Variants in DAGLA observed in about 807,000 individuals in gnomAD.
DAGLA encodes the protein diacylglycerol lipase alpha.
A neutral mutation model predicts 102.6 loss-of-function variants in DAGLA; 22 were observed. The observed-to-expected ratio is 0.21, with a 90% CI of 0.15 to 0.31. The LOEUF (loss-of-function observed/expected upper bound fraction) is 0.31. Ranked by LOEUF, DAGLA falls within the 10% of genes least tolerant of loss-of-function variation. The pLI, the probability that DAGLA is intolerant of heterozygous loss-of-function variation, is 1.00. For missense variants in DAGLA, 927 were observed against 1,446.6 expected (o/e 0.64, Z 5.83); for synonymous variants, 578 against 628.9 (o/e 0.92, Z 1.21).
intron 5 of DAGLA, among the ~76,000 whole-genome samples, chr11:61,723,967 A>G (rs564925337): frequency 6.6e-5 from 10 of 152,320 alleles, no homozygotes; most frequent in African/African-American, 1.9e-4. Flanking sequence ...CAACTTCCCC[A>G]TAATATGGGT....
chr11:61,743,362 C>CAAAAA (rs374336921), intron 19 of DAGLA, among the ~76,000 whole-genome samples, 170 bp from the exon 20 acceptor site: 2 of 51,956 alleles, frequency 3.8e-5, no homozygotes, highest in African/African-American at 1.3e-4. Context: ...GACTCTGTCT[C>CAAAAA]AAAAAAAAAA....
chr11:61,690,910 C>G (rs987265250), intron 1 of DAGLA, among the ~76,000 whole-genome samples: 7 of 152,236 alleles, frequency 4.6e-5, no homozygotes, highest in Non-Finnish European at 7.3e-5. Context: ...CCTTGTTACT[C>G]CCACTGTTGT....
intron 17 of DAGLA, 79 bp from the exon 18 acceptor site, chr11:61,740,384 A>G: frequency 6.4e-7 from 1 of 1,552,016 alleles, no homozygotes; most frequent in Non-Finnish European, 8.7e-7. Context: ...CAGGGCAGAG[A>G]ACAGAGCCAG....
In DAGLA at chr11:61,746,856, T is replaced by C. The variant is rs1288303104; in HGVS notation, c.*2367T>C. On this transcript the variant is annotated 3_prime_UTR_variant, in exon 20 of 20. Transcript: ENST00000257215. ...TCTTACGTGCCATTCTCCCCAGACT[T>C]TTTTTGTACTTAATGTATGAAAGAT... 6.6e-6 allele frequency: 1 copy of C among 152,616 alleles called. No individual in the cohort carries two copies. Among genetic ancestry groups the C allele is most frequent in the African/African-American group, 2.4e-5 (1 of 41,452 alleles). 9.5% of individuals were successfully genotyped at this position (152,616 alleles called of 1,614,324 possible). A position where few individuals can be genotyped will look rare whatever the true frequency, so the allele number is the denominator to read the frequency against.
Position 61,743,792 on chromosome 11 carries a change from C to T in DAGLA, c.2432C>T (p.Ala811Val). The change falls in exon 20 of 20, where the codon GCT (alanine) becomes GTT (valine). Residue 811 changes from alanine (A) to valine (V), a missense_variant. Transcript: ENST00000257215. ...RSIRGSPSLH[A>V]VLERDEGHLF... ...ATCCGGGGCTCCCCCAGCCTCCACG[C>T]TGTGCTGGAGCGTGATGAAGGCCAC... 6.2e-7 allele frequency: 1 copy of T among 1,612,558 alleles called. No individual in the cohort carries two copies. Among genetic ancestry groups the T allele is most frequent in the Non-Finnish European group, 8.5e-7 (1 of 1,179,932 alleles).
At chr11:61,697,045 G>T (rs1294636240) in intron 1 of DAGLA, among the ~76,000 whole-genome samples, 1 of 152,266 alleles carries the variant, frequency 6.6e-6, no homozygotes, top group South Asian at 2.1e-4. Flanking sequence ...AGGGCTGAGG[G>T]CACAGGGCGA....
At chr11:61,688,091 C>T (rs1366169701) in intron 1 of DAGLA, among the ~76,000 whole-genome samples, 2 of 151,878 alleles carry the variant, frequency 1.3e-5, no homozygotes, top group African/African-American at 4.8e-5. Flanking sequence ...CCGAGGCGGG[C>T]GGGTCACGAG....
At chr11:61,740,889 G>A (rs2065472489) in intron 18 of DAGLA, among the ~76,000 whole-genome samples, 1 of 152,184 alleles carries the variant, frequency 6.6e-6, no homozygotes, top group Non-Finnish European at 1.5e-5. Flanking sequence ...ACAGATGAAT[G>A]GGCAAGCAGC....
chr11:61,708,783 C>T (rs1410817366), intron 1 of DAGLA, among the ~76,000 whole-genome samples: 5 of 152,156 alleles, frequency 3.3e-5, no homozygotes, highest in Admixed American at 2.0e-4. Context: ...GAGAGGGCTG[C>T]GTTGTATATT....
At chr11:61,728,880 G>A (rs749900875) in intron 7 of DAGLA, 51 bp from the exon 8 acceptor site, 203 of 1,551,158 alleles carry the variant, frequency 1.3e-4, no homozygotes, top group Non-Finnish European at 1.8e-4. Flanking sequence ...TCCCAGCCAT[G>A]CAGCCGGGCC....
In DAGLA at chr11:61,734,447, C is replaced by G. The variant is rs34290859; in HGVS notation, c.975-402C>G. Among the ~76,000 whole-genome samples the G allele has an allele frequency of 0.21, 32,275 of 151,818 alleles. 3,551 individuals are homozygous for G. The highest frequency in any genetic ancestry group is 0.31 in the South Asian group (1,508 of 4,810). Reference sequence around the variant, plus strand: ...GGAAGCATCTGGGTGTTGGGGCAGGCCTGGGGTGGATTCCTGAGCATGCAG... The same window carrying G: ...GGAAGCATCTGGGTGTTGGGGCAGGGCTGGGGTGGATTCCTGAGCATGCAG... On this transcript the variant is annotated intron_variant, in intron 9 of 19. Coordinates refer to ENST00000257215, the MANE Select transcript of DAGLA (RefSeq NM_006133.3). This position sits in a 1 kb window ranked among gnomAD's most constrained non-coding sequence, Gnocchi z 4.2.
intron 1 of DAGLA, among the ~76,000 whole-genome samples, chr11:61,706,321 C>A (rs1047159593): frequency 3.3e-5 from 5 of 152,230 alleles, no homozygotes; most frequent in Non-Finnish European, 7.3e-5. Context: ...TCAGGCTGAG[C>A]CAATGGCCCT....
At chr11:61,722,645 C>T (rs550071406) in intron 3 of DAGLA, among the ~76,000 whole-genome samples, 6 of 148,908 alleles carry the variant, frequency 4.0e-5, no homozygotes, top group Admixed American at 6.7e-5. Context: ...ACATTGCAAG[C>T]GGTCATTCAG....
In DAGLA at chr11:61,687,844, ACTGCTGGGCCTGGAGTGTTCCTGGCT is replaced by A. The variant is rs543363613; in HGVS notation, c.-45+7350_-45+7375del. Among the ~76,000 whole-genome samples the A allele has an allele frequency of 9.5e-4, 144 of 152,282 alleles. 2 individuals carry two copies. The highest frequency in any genetic ancestry group is 8.8e-3 in the Admixed American group (134 of 15,292). On this transcript the variant is annotated intron_variant, in intron 1 of 19. Coordinates refer to ENST00000257215, the MANE Select transcript of DAGLA (RefSeq NM_006133.3). The stretch of plus-strand genomic sequence containing the variant: ...TCATGACCATAACAAGGAGCATGGG[ACTGCTGGGCCTGGAGTGTTCCTGGCT>A]CTGCTGGGCAGCTGTGAACAAGTCA...
intron 1 of DAGLA, among the ~76,000 whole-genome samples, chr11:61,691,494 C>T (rs2065024304): frequency 6.6e-6 from 1 of 152,224 alleles, no homozygotes; most frequent in South Asian, 2.1e-4. Flanking sequence ...CCACTTCCTG[C>T]CTCCAACTGT....
intron 1 of DAGLA, among the ~76,000 whole-genome samples, chr11:61,685,349 T>C (rs746378421): frequency 1.6e-4 from 25 of 152,162 alleles, no homozygotes; most frequent in Non-Finnish European, 2.8e-4. Context: ...GAGAAGTGGT[T>C]ATGTCGTGAT....
intron 1 of DAGLA, among the ~76,000 whole-genome samples, chr11:61,700,957 G>T (rs1349344212): frequency 6.6e-6 from 1 of 152,244 alleles, no homozygotes; most frequent in Non-Finnish European, 1.5e-5. Context: ...TGGGAGGCTG[G>T]TGTTCTTGCA....
At position 61,744,055 on chromosome 11, in the gene DAGLA, A is replaced by G. The variant is rs538906353; in HGVS notation, c.2695A>G (p.Asn899Asp). Residue 899 changes from asparagine (N) to aspartate (D), a missense_variant, in exon 20 of 20, where the codon AAT becomes GAT. This residue lies in a region of DAGLA where 434 missense variants were observed against 503.3 expected (regional missense o/e 0.86). Coordinates refer to ENST00000257215, the MANE Select transcript of DAGLA (RefSeq NM_006133.3). ...CTCCCGCGGGGAGCTGGCGCTGCACAATGGGCGCCTGGGGGACTCGCCCAG... is the reference window on the plus strand; with the variant it reads ...CTCCCGCGGGGAGCTGGCGCTGCACGATGGGCGCCTGGGGGACTCGCCCAG... ...PASRGELALH[N>D]GRLGDSPSPQ... 1.1e-5 allele frequency: 17 copies of G among 1,612,730 alleles called. No individual in the cohort carries two copies. The African/African-American group carries it at 1.9e-4, about 18-fold the overall frequency.
intron 8 of DAGLA, 82 bp downstream of exon 8, chr11:61,729,090 C>A: frequency 7.6e-7 from 1 of 1,315,044 alleles, no homozygotes; most frequent in Non-Finnish European, 1.1e-6. Context: ...CTCCTCCCAG[C>A]TGCCCTTGCA....
Sources: gnomAD v4.1 joint callset for allele counts (sites outside exome capture counted in the v4.1 genomes callset) on GRCh38, gnomAD v4.1.1 for gene constraint, gnomAD v4.1.1 regional missense constraint, Gnocchi (gnomAD v3.1) non-coding constraint, MANE v1.5 for transcripts, NCBI Gene and HGNC (gene_info 2026-07-23, HGNC 2026-07-21) for gene names.